BARD1: variants seen among roughly 807,000 people sequenced by gnomAD.
BARD1 encodes BRCA1 associated RING domain 1, also known as BRCA1-associated RING domain protein 1.
A neutral mutation model predicts 77.0 loss-of-function variants in BARD1; 73 were observed. That is an observed-to-expected ratio of 0.95 (90% CI 0.79 to 1.15). The LOEUF (loss-of-function observed/expected upper bound fraction) is 1.15. Ranked by LOEUF, BARD1 falls within the 50% of genes most tolerant of loss-of-function variation. The pLI, the probability that BARD1 is intolerant of heterozygous loss-of-function variation, is 0.00. For missense variants in BARD1, 993 were observed against 938.8 expected, an observed-to-expected ratio of 1.06 and a Z score of -0.75; for synonymous variants, 384 against 338.0, an observed-to-expected ratio of 1.14 and a Z score of -1.49.
At position 214,739,387 on chromosome 2, in the gene BARD1, T is replaced by TA. The variant is rs554189075; in HGVS notation, c.1903+5679dup. Among the ~76,000 whole-genome samples, 47 of 152,212 alleles carry TA rather than the reference T, an allele frequency of 3.1e-4. No homozygotes were observed. In the East Asian group the frequency reaches 8.7e-3, roughly 28 times the overall value. The stretch of plus-strand genomic sequence containing the variant: ...TCAAGATAACAGTATGTAAGTAAAA[T>TA]AAAAATTAAAGAATTTCCTTTGATT... On this transcript the variant is annotated intron_variant, in intron 9 of 10. Coordinates refer to ENST00000260947, the MANE Select transcript of BARD1 (RefSeq NM_000465.4).
chr2:214,797,736 G>A (rs1278320621), intron 1 of BARD1, among the ~76,000 whole-genome samples: 2 of 152,068 alleles, frequency 1.3e-5, no homozygotes, highest in Non-Finnish European at 2.9e-5. Context: ...CAGATATATT[G>A]TGAAAAATGC....
intron 9 of BARD1, 69 bp from the exon 10 acceptor site, chr2:214,730,577 A>G: frequency 7.7e-7 from 1 of 1,298,358 alleles, no homozygotes; most frequent in South Asian, 1.2e-5. Context: ...CATTAAAATC[A>G]AGCAATTTAC....
At chr2:214,753,332 C>G (rs1693545427) in intron 6 of BARD1, among the ~76,000 whole-genome samples, 1 of 152,154 alleles carries the variant, frequency 6.6e-6, no homozygotes, top group South Asian at 2.1e-4. Context: ...AACTAAAGGA[C>G]TTCTGTCTAC....
chr2:214,756,528 T>G (rs554371263), intron 6 of BARD1, among the ~76,000 whole-genome samples: 1 of 152,196 alleles, frequency 6.6e-6, no homozygotes, highest in Non-Finnish European at 1.5e-5. Flanking sequence ...TACATGCACA[T>G]GCATGTTTAT....
At chr2:214,755,412 C>T (rs1574762557) in intron 6 of BARD1, among the ~76,000 whole-genome samples, 1 of 152,026 alleles carries the variant, frequency 6.6e-6, no homozygotes, top group South Asian at 2.1e-4. Flanking sequence ...CATGATTTAA[C>T]CTAAAGTTTT....
Position 214,781,333 on chromosome 2 carries a change from CAT to C in BARD1, c.539_540del (p.Tyr180Ter), listed in dbSNP as rs779427628. The C allele has an allele frequency of 2.5e-6, 4 of 1,613,236 alleles. No homozygotes were observed. The highest frequency in any genetic ancestry group is 2.2e-5 in the East Asian group (1 of 44,874). On this transcript the variant is annotated frameshift_variant, in exon 4 of 11. Transcript: ENST00000260947. LOFTEE classifies it high-confidence loss of function. ...KKDASAQQDS[Y>X]EFVSPSPPAD... ...GCAGGAGGACTTGGGGAAACAAATT[CAT>C]ATGAGTCTTGCTGAGCACTTGCATC...
intron 9 of BARD1, chr2:214,730,883 A>T (rs1454845019): frequency 2.2e-6 from 1 of 459,140 alleles, no homozygotes; most frequent in Admixed American, 2.3e-5. Flanking sequence ...AGTCCATGAC[A>T]CAATAACCTA....
At chr2:214,784,466 T>C (rs1395094458) in intron 3 of BARD1, among the ~76,000 whole-genome samples, 1 of 152,294 alleles carries the variant, frequency 6.6e-6, no homozygotes, top group African/African-American at 2.4e-5. Context: ...GAAGACAGTG[T>C]GGCAATTCCT....
At position 214,782,412 on chromosome 2, in the gene BARD1, C is replaced by G. The variant is rs1695083884; in HGVS notation, c.365-903G>C. 2.0e-5 allele frequency among the ~76,000 whole-genome samples: 3 copies of G among 151,832 alleles called. 1 individual carries two copies. The South Asian group carries it at 6.2e-4, about 31-fold the overall frequency. On this transcript the variant is annotated intron_variant, in intron 3 of 10. Transcript: ENST00000260947. Reference sequence around the variant, plus strand: ...GGGCTTCCAGAGTATTGTTTTTGTTCTGGGTGAGTTCAGTTTGTGCAAATT... The same window carrying G: ...GGGCTTCCAGAGTATTGTTTTTGTTGTGGGTGAGTTCAGTTTGTGCAAATT...
At chr2:214,731,644 AT>A (rs1482387146) in intron 9 of BARD1, among the ~76,000 whole-genome samples, 1 of 152,198 alleles carries the variant, frequency 6.6e-6, no homozygotes, top group Non-Finnish European at 1.5e-5. Context: ...ACTACAATGA[AT>A]TATCTTCATC....
chr2:214,781,427 A>T lies in BARD1; in HGVS notation c.447T>A (p.Pro149=), dbSNP rs112306682. The stretch of plus-strand genomic sequence containing the variant: ...CAACATATCTGACTTTCTTACTTCG[A>T]GGGCTAAACCACATTTTAATTGAAT... ...KKNSIKMWFS[P]RSKKVRYVVS... Residue 149 remains proline (P), a synonymous_variant, in exon 4 of 11, where the codon CCT becomes CCA. Coordinates refer to ENST00000260947, the MANE Select transcript of BARD1 (RefSeq NM_000465.4). The T allele has an allele frequency of 1.9e-6, 3 of 1,613,534 alleles. No homozygotes were observed. Among genetic ancestry groups the T allele is most frequent in the South Asian group, 2.2e-5 (2 of 91,016 alleles).
At chr2:214,768,311 T>G (rs1041997282) in intron 5 of BARD1, among the ~76,000 whole-genome samples, 13 of 152,214 alleles carry the variant, frequency 8.5e-5, no homozygotes, top group African/African-American at 2.9e-4. Context: ...TCAATTTCAA[T>G]TCATAATAAG....
intron 9 of BARD1, chr2:214,730,935 T>C (rs1360398947): frequency 4.4e-6 from 2 of 456,284 alleles, no homozygotes; most frequent in East Asian, 6.9e-5. Context: ...TTGACAGTTA[T>C]ATGTCTAATC....
chr2:214,741,764 C>G (rs1692844437), intron 9 of BARD1, among the ~76,000 whole-genome samples: 1 of 152,108 alleles, frequency 6.6e-6, no homozygotes, highest in African/African-American at 2.4e-5. Flanking sequence ...AAAATTATGG[C>G]TTAGTCTCAG....
chr2:214,809,015 T>A (rs17489231), intron 1 of BARD1, among the ~76,000 whole-genome samples: 1 of 152,068 alleles, frequency 6.6e-6, no homozygotes, highest in Non-Finnish European at 1.5e-5. Context: ...CCAGCCCAAT[T>A]CGCCACAGCT....
chr2:214,788,605 G>T (rs903915897), intron 3 of BARD1, among the ~76,000 whole-genome samples: 1 of 151,998 alleles, frequency 6.6e-6, no homozygotes, highest in Admixed American at 6.6e-5. Context: ...GAACTACAGG[G>T]TTTTTAAAAG....
chr2:214,752,045 GCAGAAGCC>G, intron 7 of BARD1, among the ~76,000 whole-genome samples: 2 of 152,140 alleles, frequency 1.3e-5, no homozygotes, highest in East Asian at 3.9e-4. Flanking sequence ...CAATGGCCTT[GCAGAAGCC>G]CACTACCTCC....
In BARD1 at chr2:214,792,419, G is replaced by A. The variant is rs1553624824; in HGVS notation, c.242C>T (p.Thr81Ile). The A allele has an allele frequency of 6.3e-7, 1 of 1,597,894 alleles. No individual in the cohort carries two copies. The highest frequency in any genetic ancestry group is 1.4e-5 in the African/African-American group (1 of 72,722). ...CGGGGTGTAACACACTGGACATCCA[G>A]TTCCAATGCAGTCACTTACACAATT... is the stretch of plus-strand genomic sequence containing the variant. ...CSNCVSDCIG[T>I]GCPVCYTPAW... The change falls in exon 3 of 11, where the codon ACT becomes ATT. Residue 81 changes from threonine to isoleucine, a missense_variant. Physicochemically the swap from Thr to Ile is moderately conservative, Grantham distance 89. Transcript: ENST00000260947.
rs561881036 is a variant in BARD1 at position 214,728,280 on chromosome 2, C to T, written c.*396G>A. 14 of 141,562 alleles carry T rather than the reference C, an allele frequency of 9.9e-5. 1 individual carries two copies. The Admixed American group carries it at 1.2e-3, about 13-fold the overall frequency. 8.8% of individuals were successfully genotyped at this position (141,562 alleles called of 1,614,324 possible). On this transcript the variant is annotated 3_prime_UTR_variant, in exon 11 of 11. Coordinates refer to ENST00000260947, the MANE Select transcript of BARD1 (RefSeq NM_000465.4). Reference sequence around the variant, plus strand: ...AAATTGTTTGATAATATTCTGTTTACTAAAAAAAAAAAAAAAAAAAAGGCA... The same window carrying T: ...AAATTGTTTGATAATATTCTGTTTATTAAAAAAAAAAAAAAAAAAAAGGCA...
Sources: gnomAD v4.1 joint callset for allele counts (sites outside exome capture counted in the v4.1 genomes callset) on GRCh38, gnomAD v4.1.1 for gene constraint, MANE v1.5 for transcripts, NCBI Gene and HGNC (gene_info 2026-07-23, HGNC 2026-07-21) for gene names.